Variants in PTPN9 observed in about 807,000 individuals in gnomAD.
The protein encoded by PTPN9 is protein tyrosine phosphatase non-receptor type 9.
Under a neutral mutation model 69.8 loss-of-function variants are expected in PTPN9, and 26 were observed. That is an observed-to-expected ratio of 0.37 (90% CI 0.27 to 0.52). PTPN9 has a LOEUF of 0.52. Ranked by LOEUF, PTPN9 falls within the 20% of genes least tolerant of loss-of-function variation. The pLI is 0.91. For synonymous variants in PTPN9, 274 were observed against 272.5 expected (o/e 1.01, Z -0.05); for missense variants, 549 against 740.3 (o/e 0.74, Z 3.00).
rs1183352954 is a variant in PTPN9, at chr15:75,508,996, A to G, written c.560T>C (p.Leu187Pro). The change falls in exon 6 of 13, where the codon CTG (leucine) becomes CCG (proline). Residue 187 changes from leucine (L) to proline (P), a missense_variant. By Grantham distance (98) the Leu-to-Pro change is moderately conservative (BLOSUM62 -3). Transcript: ENST00000618819. ...GAFPARLKKV[L>P]IVGAPIWFRV... ...GAACCATATGGGTGCCCCCACAATCAGCACCTTCTTCAAACGAGCTGGAAA... is the reference window on the plus strand; with the variant it reads ...GAACCATATGGGTGCCCCCACAATCGGCACCTTCTTCAAACGAGCTGGAAA... The G allele has an allele frequency of 6.2e-7, 1 of 1,614,152 alleles. No individual in the cohort carries two copies. The highest frequency in any genetic ancestry group is 1.7e-5 in the Admixed American group (1 of 60,020).
chr15:75,556,380 T>TTAG (rs1225884636), intron 1 of PTPN9, among the ~76,000 whole-genome samples: 2 of 148,024 alleles, frequency 1.4e-5, no homozygotes, highest in South Asian at 4.3e-4. Flanking sequence ...AATTATTATT[T>TTAG]TATTATTATT....
rs370619340 is a variant in PTPN9 at position 75,476,264 on chromosome 15, T to C, written c.1130-2497A>G. On this transcript the variant is annotated intron_variant, in intron 9 of 12. Coordinates refer to ENST00000618819, the MANE Select transcript of PTPN9 (RefSeq NM_002833.4). ...ATGGAAAGGTATTCACAGATACCAT[T>C]AAATGAAACAAGAGATAGTATAGAA... Among the ~76,000 whole-genome samples the C allele has an allele frequency of 1.4e-4, 21 of 152,210 alleles. 1 individual carries two copies. The highest frequency in any genetic ancestry group is 1.0e-3 in the Admixed American group (16 of 15,268).
intron 8 of PTPN9, chr15:75,480,892 C>T: frequency 1.1e-5 from 3 of 268,650 alleles, no homozygotes; most frequent in Non-Finnish European, 2.0e-5. Context: ...CCGGCTGCCA[C>T]CCCGTCTGGG....
At chr15:75,559,533 G>A (rs1370133151) in intron 1 of PTPN9, among the ~76,000 whole-genome samples, 5 of 152,112 alleles carry the variant, frequency 3.3e-5, no homozygotes, top group African/African-American at 4.8e-5. Flanking sequence ...GATTAAGGGC[G>A]GTGCAAGATG....
chr15:75,567,748 G>A (rs1298077058), intron 1 of PTPN9, among the ~76,000 whole-genome samples: 3 of 152,140 alleles, frequency 2.0e-5, no homozygotes, highest in African/African-American at 7.2e-5. Flanking sequence ...TGTAATCCCA[G>A]CACTTTGGGA....
At position 75,470,909 on chromosome 15, in the gene PTPN9, T is replaced by C. The variant is rs1260221063; in HGVS notation, c.1209-79A>G. The C allele has an allele frequency of 2.6e-6, 4 of 1,525,810 alleles. No homozygotes were observed. The Admixed American group carries it at 6.0e-5, about 23-fold the overall frequency. The allele number at this position is 1,525,810 out of a possible 1,614,324, so 94.5% of individuals were successfully genotyped here. A position where few individuals can be genotyped will look rare whatever the true frequency, so the allele number is the denominator to read the frequency against. Reference sequence around the variant, plus strand: ...ACCTGGCTTCCCCAAAGACCTGATATACCCCCAGGCAGCAATATCATCTCT... The same window carrying C: ...ACCTGGCTTCCCCAAAGACCTGATACACCCCCAGGCAGCAATATCATCTCT... On this transcript the variant is annotated intron_variant, in intron 10 of 12. Coordinates refer to ENST00000618819, the MANE Select transcript of PTPN9 (RefSeq NM_002833.4).
At chr15:75,559,668 A>G (rs2075095038) in intron 1 of PTPN9, among the ~76,000 whole-genome samples, 1 of 151,632 alleles carries the variant, frequency 6.6e-6, no homozygotes, top group African/African-American at 2.4e-5. Context: ...TAGGAAAACC[A>G]GAGACCTTTG....
Position 75,527,820 on chromosome 15 carries a change from C to T in PTPN9, c.64-559G>A, listed in dbSNP as rs1313802564. Among the ~76,000 whole-genome samples, 6 of 150,864 alleles carry T rather than the reference C, an allele frequency of 4.0e-5. No homozygotes were observed. In the East Asian group the frequency reaches 1.2e-3, roughly 29 times the overall value. ...GCAGTGAGCTGAGATCATGCCATTG[C>T]ACTCCAGCCTGGGCAACAAGAGCGA... On this transcript the variant is annotated intron_variant, in intron 1 of 12. Transcript: ENST00000618819.
At chr15:75,544,936 C>T (rs1367345153) in intron 1 of PTPN9, among the ~76,000 whole-genome samples, 1 of 152,162 alleles carries the variant, frequency 6.6e-6, no homozygotes, top group Non-Finnish European at 1.5e-5. Context: ...CCTTCCTCTA[C>T]TCCCAAACCT....
chr15:75,563,716 G>A (rs1262208147), intron 1 of PTPN9, among the ~76,000 whole-genome samples: 2 of 152,182 alleles, frequency 1.3e-5, no homozygotes, highest in Admixed American at 6.5e-5. Flanking sequence ...TCAGAAGTTC[G>A]AGTCCCTGTC....
In PTPN9 at chr15:75,473,768, C is replaced by T; in HGVS notation, c.1130-1G>A. ...TCACGATAGGTATTCTCCAAAGGAC[C>T]TGAAATAAAAGGAGAAGACAAGAAA... On this transcript the variant is annotated splice_acceptor_variant, in intron 9 of 12. Transcript: ENST00000618819. LOFTEE classifies it high-confidence loss of function. The T allele has an allele frequency of 6.4e-7, 1 of 1,563,940 alleles. No homozygotes were observed. The highest frequency in any genetic ancestry group is 8.8e-7 in the Non-Finnish European group (1 of 1,134,772).
rs768858532 is a variant in PTPN9, at chr15:75,470,772, G to T, written c.1267C>A (p.Arg423=). ...ACTGTGAGGAAGCCAAATCGGATCC[G>T]AGAGTCTTTTTCTAAAGGCCAGTAC... is the stretch of plus-strand genomic sequence containing the variant. ...GQYWPLEKDS[R]IRFGFLTVTN... Residue 423 remains arginine (R), a synonymous_variant, in exon 11 of 13, where the codon CGG becomes AGG. Transcript: ENST00000618819. 6.2e-7 allele frequency: 1 copy of T among 1,614,190 alleles called. No individual in the cohort carries two copies. The highest frequency in any genetic ancestry group is 8.5e-7 in the Non-Finnish European group (1 of 1,180,040).
intron 1 of PTPN9, among the ~76,000 whole-genome samples, chr15:75,537,150 G>A (rs560297154): frequency 1.2e-3 from 177 of 151,020 alleles, no homozygotes; most frequent in Middle Eastern, 3.4e-3. Context: ...TCAGGAATTC[G>A]AGACCAGCCT....
chr15:75,539,966 C>T (rs979707410), intron 1 of PTPN9, among the ~76,000 whole-genome samples: 1 of 152,182 alleles, frequency 6.6e-6, no homozygotes, highest in African/African-American at 2.4e-5. Context: ...AGGCAAGAGC[C>T]GCCACGTCTG....
chr15:75,543,136 G>T (rs1229103022), intron 1 of PTPN9, among the ~76,000 whole-genome samples: 1 of 151,556 alleles, frequency 6.6e-6, no homozygotes, highest in Non-Finnish European at 1.5e-5. Context: ...TGCTGAGAAT[G>T]ATGTTTTCCA....
Position 75,505,875 on chromosome 15 carries a change from G to C in PTPN9, c.768C>G (p.Gly256=), listed in dbSNP as rs574781054. ...TGATCTCATCGAAGGGATCTGGGTGGCCGTTCACCTGGGGTAGGAACTGGA... is the reference window on the plus strand; with the variant it reads ...TGATCTCATCGAAGGGATCTGGGTGCCCGTTCACCTGGGGTAGGAACTGGA... ...WNFQFLPQVN[G]HPDPFDEIIL... Residue 256 remains glycine, a synonymous_variant, in exon 7 of 13, where the codon GGC becomes GGG. Coordinates refer to ENST00000618819, the MANE Select transcript of PTPN9 (RefSeq NM_002833.4). The C allele has an allele frequency of 2.5e-5, 40 of 1,614,016 alleles. 1 individual carries two copies. In the South Asian group the frequency reaches 4.3e-4, roughly 17 times the overall value.
chr15:75,527,274 G>C lies in PTPN9; in HGVS notation c.64-13C>G. The C allele has an allele frequency of 6.2e-7, 1 of 1,610,436 alleles. No homozygotes were observed. Among genetic ancestry groups the C allele is most frequent in the Non-Finnish European group, 8.5e-7 (1 of 1,177,498 alleles). ...ACTGCTTGGTAGCCTGTTTGACAAA[G>C]AAAGAAAGAATAATTAGTAAGAAGA... is the stretch of plus-strand genomic sequence containing the variant. On this transcript the variant is annotated splice_polypyrimidine_tract_variant and intron_variant, in intron 1 of 12. Transcript: ENST00000618819.
At position 75,468,699 on chromosome 15, in the gene PTPN9, C is replaced by G; in HGVS notation, c.*70G>C. The G allele has an allele frequency of 7.1e-7, 1 of 1,414,398 alleles. No homozygotes were observed. The allele number at this position is 1,414,398 out of a possible 1,614,324, so 87.6% of individuals were successfully genotyped here. On this transcript the variant is annotated 3_prime_UTR_variant, in exon 13 of 13. Coordinates refer to ENST00000618819, the MANE Select transcript of PTPN9 (RefSeq NM_002833.4). ...ATGGCTTCAGCGTAACTGATGGCAA[C>G]CTATAGGCTCAGCGGTGTCCAGGGT...
chr15:75,572,473 G>A (rs916192217), intron 1 of PTPN9, among the ~76,000 whole-genome samples: 2 of 152,194 alleles, frequency 1.3e-5, no homozygotes, highest in African/African-American at 4.8e-5. Context: ...ACTTGGGGAG[G>A]CCAAGGCAGG....
Sources: allele counts gnomAD v4.1 joint callset (sites outside exome capture counted in the v4.1 genomes callset), GRCh38; gene constraint gnomAD v4.1.1; transcripts MANE v1.5; gene names NCBI Gene and HGNC (gene_info 2026-07-23, HGNC 2026-07-21).